Variants in TTLL9 observed in about 807,000 individuals in gnomAD.
TTLL9 encodes the protein tubulin tyrosine ligase like 9, also known as probable tubulin polyglutamylase TTLL9.
In TTLL9, 47 loss-of-function variants were observed where a neutral mutation model predicts 65.6. The ratio of observed to expected loss-of-function variants is 0.72; its 90% CI spans 0.57 to 0.91. The LOEUF is 0.91. Ranked by LOEUF, TTLL9 falls within the 40% of genes least tolerant of loss-of-function variation. TTLL9 has a pLI of 0.00. For missense variants in TTLL9, 537 were observed against 568.8 expected (o/e 0.94, Z 0.57); for synonymous variants, 179 against 204.8 (o/e 0.87, Z 1.07).
At chr20:31,894,166 C>CAGT (rs1211925575) in intron 3 of TTLL9, among the ~76,000 whole-genome samples, 1 of 133,146 alleles carries the variant, frequency 7.5e-6, no homozygotes, top group Admixed American at 8.9e-5. Flanking sequence ...TGCAGTGGTG[C>CAGT]GATCATGGCT....
chr20:31,913,157 T>TA (rs796616302), intron 6 of TTLL9, among the ~76,000 whole-genome samples: 23 of 151,400 alleles, frequency 1.5e-4, no homozygotes, highest in South Asian at 2.1e-4. Context: ...AGACCCTATC[T>TA]AAAAAAAAAT....
At position 31,934,626 on chromosome 20, in the gene TTLL9, G is replaced by C. The variant is rs985704264; in HGVS notation, c.808-66G>C. On this transcript the variant is annotated intron_variant, in intron 11 of 14. Transcript: ENST00000535842. ...GGAAACACTGAGAGCAATTGTGTAA[G>C]GGTCCTAGCAGGCCAGGTCCTGACT... 9.2e-6 allele frequency: 13 copies of C among 1,410,212 alleles called. No individual in the cohort carries two copies. In the African/African-American group the frequency reaches 1.7e-4, roughly 19 times the overall value. The allele number at this position is 1,410,212 out of a possible 1,614,324, so 87.4% of individuals were successfully genotyped here. A position where few individuals can be genotyped will look rare whatever the true frequency, so the allele number is the denominator to read the frequency against.
At chr20:31,891,411 T>C (rs1194050964) in intron 3 of TTLL9, among the ~76,000 whole-genome samples, 1 of 152,240 alleles carries the variant, frequency 6.6e-6, no homozygotes, top group Non-Finnish European at 1.5e-5. Context: ...AAATTGTATC[T>C]CTTTGTCGTT....
intron 4 of TTLL9, among the ~76,000 whole-genome samples, chr20:31,902,178 A>G (rs1396138062): frequency 2.6e-5 from 4 of 152,026 alleles, no homozygotes; most frequent in African/African-American, 9.7e-5. Flanking sequence ...TCATCATCTC[A>G]GGAAGAAACC....
chr20:31,894,130 G>A (rs2063350026), intron 3 of TTLL9, among the ~76,000 whole-genome samples: 1 of 139,212 alleles, frequency 7.2e-6, no homozygotes, highest in South Asian at 2.2e-4. Context: ...TTGAGACAGG[G>A]TCTTGCTCTG....
chr20:31,893,291 C>CTTTTTT (rs34875132), intron 3 of TTLL9, among the ~76,000 whole-genome samples: 21 of 130,094 alleles, frequency 1.6e-4, no homozygotes, highest in East Asian at 4.4e-4. Context: ...TGTTCTTTTT[C>CTTTTTT]TTTTTTTTTT....
At chr20:31,941,500 A>T (rs1600636969) in intron 14 of TTLL9, among the ~76,000 whole-genome samples, 1 of 152,074 alleles carries the variant, frequency 6.6e-6, no homozygotes, top group Admixed American at 6.5e-5. Flanking sequence ...GGGCATCAGT[A>T]GCTTTTAAAG....
At chr20:31,902,269 A>T (rs1287944928) in intron 4 of TTLL9, among the ~76,000 whole-genome samples, 1 of 152,170 alleles carries the variant, frequency 6.6e-6, no homozygotes, top group Non-Finnish European at 1.5e-5. Flanking sequence ...TCTATTCTGG[A>T]CACATCATGT....
chr20:31,936,293 A>G (rs1191114848), intron 12 of TTLL9, among the ~76,000 whole-genome samples: 3 of 152,148 alleles, frequency 2.0e-5, no homozygotes, highest in Non-Finnish European at 4.4e-5. Flanking sequence ...AATTTGGAAG[A>G]TGTTTACATA....
At chr20:31,909,956 G>GTGGT in intron 6 of TTLL9, 34 bp downstream of exon 6, 2 of 658,918 alleles carry the variant, frequency 3.0e-6, no homozygotes, top group Admixed American at 1.9e-5. Flanking sequence ...GGGTGGGAGG[G>GTGGT]AATGAGTCCC....
chr20:31,921,705 C>T (rs527332480), intron 7 of TTLL9, among the ~76,000 whole-genome samples: 1 of 152,168 alleles, frequency 6.6e-6, no homozygotes, highest in South Asian at 2.1e-4. Flanking sequence ...CCGTCATTCT[C>T]AGCAAACTAT....
rs569579562 is a variant in TTLL9 at position 31,879,772 on chromosome 20, A to C, written c.70-7424A>C. The stretch of plus-strand genomic sequence containing the variant: ...TCCGCCGAGAGCATGCCCTTGGCTC[A>C]TCCAATCAGAGCGGCGGATCCAGGC... On this transcript the variant is annotated intron_variant, in intron 2 of 14. Transcript: ENST00000535842. 2.0e-6 allele frequency: 3 copies of C among 1,533,420 alleles called. No homozygotes were observed. In the African/African-American group the frequency reaches 4.1e-5, roughly 21 times the overall value. The allele number at this position is 1,533,420 out of a possible 1,614,324, so 95.0% of individuals were successfully genotyped here.
chr20:31,908,291 C>T (rs906833458), intron 4 of TTLL9, among the ~76,000 whole-genome samples: 3 of 152,170 alleles, frequency 2.0e-5, no homozygotes, highest in African/African-American at 7.2e-5. Context: ...AGGGCGTGCC[C>T]TGTCTGAAGG....
At chr20:31,902,548 C>A (rs996602847) in intron 4 of TTLL9, among the ~76,000 whole-genome samples, 3 of 152,006 alleles carry the variant, frequency 2.0e-5, no homozygotes, top group African/African-American at 4.8e-5. Flanking sequence ...GAATAATATT[C>A]TGCTGTGTAG....
chr20:31,873,690 GAAAGAAAGAAAGAAAGAA>G (rs1568721942), intron 2 of TTLL9, among the ~76,000 whole-genome samples: 91 of 51,716 alleles, frequency 1.8e-3, no homozygotes, highest in Non-Finnish European at 2.6e-3. Context: ...GAGAGAGAAA[GAAAGAAAGAAAGAAAGAA>G]AGAAAGAAAG....
chr20:31,943,065 A>G lies in TTLL9; in HGVS notation c.*44A>G, dbSNP rs1257493653. The G allele has an allele frequency of 2.5e-6, 4 of 1,573,390 alleles. No homozygotes were observed. In the African/African-American group the frequency reaches 4.0e-5, roughly 16 times the overall value. On this transcript the variant is annotated 3_prime_UTR_variant, in exon 15 of 15. Coordinates refer to ENST00000535842, the MANE Select transcript of TTLL9 (RefSeq NM_001008409.5). ...AAATCAGCCTTAGCAGGTGCCACCCAGGCCTCCCCCCCACTCCCAGATCCC... is the reference window on the plus strand; with the variant it reads ...AAATCAGCCTTAGCAGGTGCCACCCGGGCCTCCCCCCCACTCCCAGATCCC...
At chr20:31,939,829 T>C (rs1233598372) in intron 14 of TTLL9, 1 of 152,314 alleles carries the variant, frequency 6.6e-6, no homozygotes, top group Admixed American at 6.5e-5. Flanking sequence ...ATGAAGGTTT[T>C]GGCCATAAGT....
chr20:31,927,439 C>A (rs2063924419), intron 10 of TTLL9, among the ~76,000 whole-genome samples: 1 of 144,400 alleles, frequency 6.9e-6, no homozygotes, highest in South Asian at 2.2e-4. Context: ...CGAGATCACG[C>A]CATTGCACTC....
chr20:31,882,196 A>G (rs999311829), intron 2 of TTLL9, among the ~76,000 whole-genome samples: 2 of 152,140 alleles, frequency 1.3e-5, no homozygotes, highest in Non-Finnish European at 2.9e-5. Context: ...CCATCTCCTC[A>G]AGGTTATGGT....
Sources: gnomAD v4.1 joint callset for allele counts (sites outside exome capture counted in the v4.1 genomes callset) on GRCh38, gnomAD v4.1.1 for gene constraint, MANE v1.5 for transcripts, NCBI Gene and HGNC (gene_info 2026-07-23, HGNC 2026-07-21) for gene names.